RUNDC3B: variants seen among roughly 807,000 people sequenced by gnomAD.
RUNDC3B encodes RUN domain containing 3B.
A neutral mutation model predicts 58.4 loss-of-function variants in RUNDC3B; 33 were observed. The ratio of observed to expected loss-of-function variants is 0.56; its 90% CI spans 0.43 to 0.75. RUNDC3B has a LOEUF of 0.75. Among genes scored for constraint, RUNDC3B ranks in the 30% least tolerant of loss-of-function variants. The pLI is 0.00. For synonymous variants in RUNDC3B, 193 were observed against 195.2 expected (o/e 0.99, Z 0.10); for missense variants, 501 against 535.7 (o/e 0.94, Z 0.64).
chr7:87,781,582 C>G lies in RUNDC3B; in HGVS notation c.956+3627C>G, dbSNP rs1324252634. On this transcript the variant is annotated intron_variant, in intron 8 of 10. Transcript: ENST00000394654. ...ATTCTACTTCCCAAGGGGAATGTTTCCAGCCTTTGCCCATTCAGTATGATG... is the reference window on the plus strand; with the variant it reads ...ATTCTACTTCCCAAGGGGAATGTTTGCAGCCTTTGCCCATTCAGTATGATG... Among the ~76,000 whole-genome samples the G allele has an allele frequency of 2.6e-5, 4 of 152,154 alleles. No homozygotes were observed. The East Asian group carries it at 7.7e-4, about 29-fold the overall frequency.
At chr7:87,721,526 C>A (rs766010819) in intron 4 of RUNDC3B, among the ~76,000 whole-genome samples, 1 of 152,084 alleles carries the variant, frequency 6.6e-6, no homozygotes, top group Non-Finnish European at 1.5e-5. Context: ...AATATGATCA[C>A]CCTGAAATGG....
chr7:87,795,707 G>A (rs549921640), intron 8 of RUNDC3B, among the ~76,000 whole-genome samples: 2 of 147,236 alleles, frequency 1.4e-5, no homozygotes, highest in Non-Finnish European at 3.0e-5. Context: ...GGGAAACCCC[G>A]TCTCTACTAA....
At chr7:87,709,005 G>T (rs1563151676) in intron 3 of RUNDC3B, among the ~76,000 whole-genome samples, 1 of 151,956 alleles carries the variant, frequency 6.6e-6, no homozygotes. Flanking sequence ...TAGTTTTTAA[G>T]TTGTTCTACT....
intron 1 of RUNDC3B, among the ~76,000 whole-genome samples, chr7:87,647,945 G>A (rs1057505399): frequency 7.9e-5 from 12 of 152,094 alleles, no homozygotes; most frequent in Admixed American, 5.9e-4. Context: ...AACACTTTGG[G>A]AGGCCAAGGC....
chr7:87,730,532 C>G (rs1173157038), intron 4 of RUNDC3B, among the ~76,000 whole-genome samples: 1 of 151,974 alleles, frequency 6.6e-6, no homozygotes, highest in Non-Finnish European at 1.5e-5. Flanking sequence ...TGCGTGCCAG[C>G]TCAGCCACAG....
At chr7:87,722,745 A>G (rs896830627) in intron 4 of RUNDC3B, among the ~76,000 whole-genome samples, 1 of 152,174 alleles carries the variant, frequency 6.6e-6, no homozygotes, top group Admixed American at 6.5e-5. Context: ...AATCAGTGAA[A>G]TTATTTGATT....
intron 6 of RUNDC3B, among the ~76,000 whole-genome samples, chr7:87,767,067 G>T (rs926079693): frequency 6.6e-6 from 1 of 151,870 alleles, no homozygotes; most frequent in African/African-American, 2.4e-5. Context: ...TTCCTTCAGC[G>T]AATTTTTCAT....
At chr7:87,680,877 A>G (rs1394645987) in intron 2 of RUNDC3B, among the ~76,000 whole-genome samples, 1 of 150,726 alleles carries the variant, frequency 6.6e-6, no homozygotes, top group Non-Finnish European at 1.5e-5. Context: ...AATGGAGGAA[A>G]TAATAGATAA....
At chr7:87,700,586 T>C in intron 3 of RUNDC3B, 32 bp downstream of exon 3, 1 of 1,583,234 alleles carries the variant, frequency 6.3e-7, no homozygotes. Flanking sequence ...CGTTTCTATT[T>C]TTTTTTTCAT....
chr7:87,752,293 AT>A (rs1175923702), intron 6 of RUNDC3B, among the ~76,000 whole-genome samples: 1 of 151,922 alleles, frequency 6.6e-6, no homozygotes, highest in African/African-American at 2.4e-5. Context: ...TTTATTGAGG[AT>A]TTTTGCATCA....
intron 9 of RUNDC3B, among the ~76,000 whole-genome samples, chr7:87,808,669 A>G (rs1836559449): frequency 6.6e-6 from 1 of 152,104 alleles, no homozygotes; most frequent in South Asian, 2.1e-4. Context: ...GATTCAAGGT[A>G]CTGACTTTTG....
At chr7:87,811,801 C>T (rs1397361784) in intron 9 of RUNDC3B, among the ~76,000 whole-genome samples, 1 of 152,146 alleles carries the variant, frequency 6.6e-6, no homozygotes, top group Non-Finnish European at 1.5e-5. Context: ...ATGCCCTTCC[C>T]TGTTAGGCTT....
intron 6 of RUNDC3B, among the ~76,000 whole-genome samples, chr7:87,761,200 C>T (rs1833661238): frequency 6.6e-6 from 1 of 151,916 alleles, no homozygotes; most frequent in Admixed American, 6.6e-5. Context: ...GGAAGATGTA[C>T]AGTGGCCCAG....
intron 6 of RUNDC3B, among the ~76,000 whole-genome samples, chr7:87,758,736 G>A (rs763999271): frequency 3.3e-5 from 5 of 152,186 alleles, no homozygotes; most frequent in East Asian, 1.9e-4. Flanking sequence ...AGTGTACAAC[G>A]TCATTAATCA....
At chr7:87,822,293 A>G (rs1375159762) in intron 10 of RUNDC3B, among the ~76,000 whole-genome samples, 1 of 152,252 alleles carries the variant, frequency 6.6e-6, no homozygotes, top group African/African-American at 2.4e-5. Context: ...AAAAATGCTC[A>G]TCATCACTGG....
In RUNDC3B at chr7:87,739,351, A is replaced by G. The variant is rs574877386; in HGVS notation, c.459-440A>G. ...CTTACTCAGTAATCTTTGCAATTAT[A>G]GAAAAACAGAACTTAATTTTATCTT... On this transcript the variant is annotated intron_variant, in intron 4 of 10. Transcript: ENST00000394654. Among the ~76,000 whole-genome samples the G allele has an allele frequency of 1.2e-3, 185 of 152,164 alleles. 1 individual carries two copies. The highest frequency in any genetic ancestry group is 1.9e-3 in the Admixed American group (29 of 15,294).
chr7:87,640,811 T>G (rs1822371309), intron 1 of RUNDC3B, among the ~76,000 whole-genome samples: 1 of 152,184 alleles, frequency 6.6e-6, no homozygotes, highest in Non-Finnish European at 1.5e-5. Flanking sequence ...GCTTTGTCTA[T>G]TCTACTGTTT....
At chr7:87,719,181 G>A (rs538603107) in intron 4 of RUNDC3B, among the ~76,000 whole-genome samples, 1 of 151,748 alleles carries the variant, frequency 6.6e-6, no homozygotes, top group Admixed American at 6.6e-5. Flanking sequence ...ATAAGTGTAA[G>A]AAGAAATGTG....
intron 5 of RUNDC3B, 112 bp downstream of exon 5, chr7:87,739,992 T>G (rs1000137371): frequency 1.1e-5 from 5 of 468,086 alleles, no homozygotes; most frequent in Non-Finnish European, 1.9e-5. Context: ...ATATTGTTAT[T>G]TGATTCATGT....
Sources: gnomAD v4.1 joint callset for allele counts (sites outside exome capture counted in the v4.1 genomes callset) on GRCh38, gnomAD v4.1.1 for gene constraint, MANE v1.5 for transcripts, NCBI Gene and HGNC (gene_info 2026-07-23, HGNC 2026-07-21) for gene names.